Variants in SREBF2 observed in about 807,000 individuals in gnomAD.
SREBF2 encodes the protein sterol regulatory element binding transcription factor 2.
SREBF2 carries 55 observed loss-of-function variants against 113.1 expected under a neutral mutation model. The observed-to-expected ratio is 0.49, with a 90% confidence interval of 0.39 to 0.61. The LOEUF is 0.61. Among genes scored for constraint, SREBF2 ranks in the 20% least tolerant of loss-of-function variants. The pLI, the probability that SREBF2 is intolerant of heterozygous loss-of-function variation, is 0.00. For missense variants in SREBF2, 1,349 were observed against 1,487.4 expected, an observed-to-expected ratio of 0.91 and a Z score of 1.53; for synonymous variants, 593 against 605.7, an observed-to-expected ratio of 0.98 and a Z score of 0.31.
At chr22:41,878,748 C>A in intron 9 of SREBF2, 1 of 1,304,124 alleles carries the variant, frequency 7.7e-7, no homozygotes, top group Non-Finnish European at 1.0e-6. Context: ...CCAGAACACT[C>A]CTCAGCAGCA....
intron 1 of SREBF2, among the ~76,000 whole-genome samples, chr22:41,855,209 G>A (rs2076966924): frequency 6.6e-6 from 1 of 152,010 alleles, no homozygotes; most frequent in Non-Finnish European, 1.5e-5. Flanking sequence ...AAGAATGCAG[G>A]AATAAGATTG....
intron 1 of SREBF2, among the ~76,000 whole-genome samples, chr22:41,849,108 A>G (rs2076904019): frequency 6.6e-6 from 1 of 152,206 alleles, no homozygotes; most frequent in Non-Finnish European, 1.5e-5. Flanking sequence ...TTTAAGCAAC[A>G]TTCCAGCAGG....
At chr22:41,877,135 C>G in intron 7 of SREBF2, 94 bp from the exon 8 acceptor site, 2 of 1,305,632 alleles carry the variant, frequency 1.5e-6, no homozygotes. Flanking sequence ...GAATTTAAAC[C>G]TCATAACCAT....
rs1177997802 is a variant in SREBF2 at position 41,884,972 on chromosome 22, G to T, written c.2169G>T (p.Gly723=). ...LVEIHLTAAM[G]LKTRCGGKLG... ...AGATCCATCTGACTGCTGCCATGGG[G>T]CTCAAGACCCGGTGTGGAGGCAAGC... Residue 723 remains glycine (G), a synonymous_variant, in exon 11 of 19, where the codon GGG becomes GGT. Coordinates refer to ENST00000361204, the MANE Select transcript of SREBF2 (RefSeq NM_004599.4). 6.2e-7 allele frequency: 1 copy of T among 1,614,196 alleles called. No homozygotes were observed. Among genetic ancestry groups the T allele is most frequent in the African/African-American group, 1.3e-5 (1 of 75,048 alleles).
chr22:41,845,580 A>G (rs1445716212), intron 1 of SREBF2, among the ~76,000 whole-genome samples: 2 of 152,254 alleles, frequency 1.3e-5, no homozygotes, highest in African/African-American at 4.8e-5. Flanking sequence ...ACATCCAGTC[A>G]TAATACATGG....
chr22:41,900,754 A>C (rs1602350134), intron 16 of SREBF2, among the ~76,000 whole-genome samples: 1 of 152,290 alleles, frequency 6.6e-6, no homozygotes, highest in Middle Eastern at 3.4e-3. Context: ...CTGCTGGCCC[A>C]TAGCCTCTGT....
rs2077080770 is a variant in SREBF2 at position 41,866,847 on chromosome 22, C to A, written c.105C>A (p.Val35=). 6.2e-7 allele frequency: 1 copy of A among 1,614,194 alleles called. No homozygotes were observed. Among genetic ancestry groups the A allele is most frequent in the East Asian group, 2.2e-5 (1 of 44,890 alleles). Residue 35 remains valine (V), a synonymous_variant, in exon 2 of 19, where the codon GTC becomes GTA. Transcript: ENST00000361204. ...TGTTCACAGAGATGCTGCAATTTGTCAGTAATCAAGTGGGAGAGTTCCCTG... is the reference window on the plus strand; with the variant it reads ...TGTTCACAGAGATGCTGCAATTTGTAAGTAATCAAGTGGGAGAGTTCCCTG... ...LGDIDEMLQF[V]SNQVGEFPDL... is the part of the protein sequence containing the mutation.
intron 14 of SREBF2, among the ~76,000 whole-genome samples, 175 bp from the exon 15 acceptor site, chr22:41,898,474 T>C (rs2077435174): frequency 6.6e-6 from 1 of 152,210 alleles, no homozygotes; most frequent in South Asian, 2.1e-4. Flanking sequence ...TCCAAGATTG[T>C]GCTGGTCTAT....
intron 10 of SREBF2, among the ~76,000 whole-genome samples, chr22:41,882,592 G>A (rs1213255409): frequency 6.6e-6 from 1 of 152,198 alleles, no homozygotes; most frequent in Non-Finnish European, 1.5e-5. Flanking sequence ...GATCACCTGA[G>A]GTCAGGAGTT....
In SREBF2 at chr22:41,875,390, G is replaced by A. The variant is rs2077185932; in HGVS notation, c.1143G>A (p.Gln381=). The change falls in exon 6 of 19, where the codon CAG becomes CAA. Residue 381 remains glutamine, a synonymous_variant. Coordinates refer to ENST00000361204, the MANE Select transcript of SREBF2 (RefSeq NM_004599.4). ...RKAIDYIKYL[Q]QVNHKLRQEN... The stretch of plus-strand genomic sequence containing the variant: ...CCATTGATTACATCAAATACTTGCA[G>A]CAGGTCAATCATAAACTGCGCCAGG... The A allele has an allele frequency of 6.2e-7, 1 of 1,614,058 alleles. No individual in the cohort carries two copies. The highest frequency in any genetic ancestry group is 1.7e-5 in the Admixed American group (1 of 60,006).
chr22:41,877,340 C>G lies in SREBF2; in HGVS notation c.1498C>G (p.Leu500Val). 6.2e-7 allele frequency: 1 copy of G among 1,614,178 alleles called. No individual in the cohort carries two copies. The change falls in exon 8 of 19, where the codon CTG (leucine) becomes GTG (valine). Residue 500 changes from leucine (L) to valine (V), a missense_variant. Transcript: ENST00000361204. Reference protein sequence around the residue: ...LCLSFNPLTSLLQWGGAHDSD... With the variant: ...LCLSFNPLTSVLQWGGAHDSD... ...CCTCTCCTTTAACCCCCTGACTTCCCTGCTGCAGTGGGGAGGGGCCCACGA... is the reference window on the plus strand; with the variant it reads ...CCTCTCCTTTAACCCCCTGACTTCCGTGCTGCAGTGGGGAGGGGCCCACGA...
At chr22:41,902,277 T>G (rs546906925) in intron 16 of SREBF2, among the ~76,000 whole-genome samples, 1 of 152,192 alleles carries the variant, frequency 6.6e-6, no homozygotes, top group African/African-American at 2.4e-5. Context: ...CCCAGCCCCA[T>G]AGGTCGTAGG....
Position 41,902,854 on chromosome 22 carries a change from A to C in SREBF2, c.2908-116A>C, listed in dbSNP as rs190864895. ...AGTTCACCAGACTCTGGGGCTCTCC[A>C]CTTCCTCCCAGAGCTGCTGAGTGTT... is the stretch of plus-strand genomic sequence containing the variant. On this transcript the variant is annotated intron_variant, in intron 16 of 18. Coordinates refer to ENST00000361204, the MANE Select transcript of SREBF2 (RefSeq NM_004599.4). The C allele has an allele frequency of 6.5e-4, 767 of 1,174,038 alleles. 5 individuals are homozygous for C. Among genetic ancestry groups the C allele is most frequent in the East Asian group, 3.1e-3 (122 of 39,158 alleles). The allele number at this position is 1,174,038 out of a possible 1,614,324, so 72.7% of individuals were successfully genotyped here. A position where few individuals can be genotyped will look rare whatever the true frequency, so the allele number is the denominator to read the frequency against.
rs142713090 is a variant in SREBF2, at chr22:41,880,853, G to A, written c.1899G>A (p.Leu633=). 3.2e-3 allele frequency: 5,173 copies of A among 1,614,054 alleles called. 11 individuals are homozygous for A. Among genetic ancestry groups the A allele is most frequent in the Non-Finnish European group, 4.2e-3 (4,951 of 1,180,024 alleles). The change falls in exon 10 of 19, where the codon CTG becomes CTA. Residue 633 remains leucine, a synonymous_variant. Coordinates refer to ENST00000361204, the MANE Select transcript of SREBF2 (RefSeq NM_004599.4). ...GCTACAGCCTGCAGAAGCTACGCCT[G>A]GTGCGCTGGCTGCTCAAGAAAGTCT... ...VIRYSLQKLR[L]VRWLLKKVFQ...
At chr22:41,892,137 G>C (rs574890178) in intron 11 of SREBF2, among the ~76,000 whole-genome samples, 76 of 152,278 alleles carry the variant, frequency 5.0e-4, no homozygotes, top group African/African-American at 1.7e-3. Context: ...CCAGCTTTGT[G>C]GGGGGAGTCT....
intron 1 of SREBF2, among the ~76,000 whole-genome samples, chr22:41,847,270 T>C (rs1014103250): frequency 1.3e-5 from 2 of 152,172 alleles, no homozygotes; most frequent in African/African-American, 4.8e-5. Flanking sequence ...CCTGATTTTG[T>C]TGGCAGTGGG....
chr22:41,862,922 T>C (rs868169630), intron 1 of SREBF2, among the ~76,000 whole-genome samples: 21 of 152,324 alleles, frequency 1.4e-4, no homozygotes, highest in African/African-American at 4.8e-4. Context: ...TTAAGTAGTC[T>C]CATTCCATCT....
At chr22:41,868,553 G>A in intron 2 of SREBF2, 58 bp from the exon 3 acceptor site, 1 of 1,586,640 alleles carries the variant, frequency 6.3e-7, no homozygotes, top group Admixed American at 1.7e-5. Context: ...TTCTGCTGCA[G>A]CTGCAGTGAC....
At chr22:41,869,973 G>A (rs1221198731) in intron 3 of SREBF2, among the ~76,000 whole-genome samples, 3 of 150,472 alleles carry the variant, frequency 2.0e-5, no homozygotes, top group African/African-American at 7.3e-5. Context: ...CTCCTGCCTC[G>A]GCCTCCCGAG....
Sources: gnomAD v4.1 joint callset for allele counts (sites outside exome capture counted in the v4.1 genomes callset) on GRCh38, gnomAD v4.1.1 for gene constraint, MANE v1.5 for transcripts, NCBI Gene and HGNC (gene_info 2026-07-23, HGNC 2026-07-21) for gene names.